The following IGF2BP1 variants were observed in gnomAD, a reference collection of about 807,000 sequenced individuals.
IGF2BP1 encodes insulin-like growth factor 2 mRNA-binding protein 1.
Under a neutral mutation model 74.9 loss-of-function variants are expected in IGF2BP1, and 11 were observed. The ratio of observed to expected loss-of-function variants is 0.15; its 90% CI spans 0.09 to 0.24. The LOEUF is 0.24. Among genes scored for constraint, IGF2BP1 ranks in the 10% least tolerant of loss-of-function variants. The probability of loss-of-function intolerance (pLI) is 1.00; values close to 1 mark genes in which losing one functional copy is unlikely to be tolerated. For synonymous variants in IGF2BP1, 287 were observed against 281.8 expected, an observed-to-expected ratio of 1.02 and a Z score of -0.18; for missense variants, 440 against 757.4, an observed-to-expected ratio of 0.58 and a Z score of 4.92.
At chr17:48,999,300 T>G in intron 2 of IGF2BP1, 131 bp downstream of exon 2, 4 of 632,114 alleles carry the variant, frequency 6.3e-6, no homozygotes, top group Non-Finnish European at 1.1e-5. Context: ...ACTCCGGATG[T>G]TGGGGGCAGG....
Position 49,039,966 on chromosome 17 carries a change from G to A in IGF2BP1, c.693G>A (p.Val231=). The A allele has an allele frequency of 1.9e-6, 3 of 1,612,640 alleles. No individual in the cohort carries two copies. In the Middle Eastern group the frequency reaches 6.2e-4, roughly 335 times the overall value. The change falls in exon 7 of 15, where the codon GTG becomes GTA. Residue 231 remains valine (V), a synonymous_variant. Transcript: ENST00000290341. ...TCCTTGTGGCCCCCAGGATAGACGT[G>A]CATAGGAAGGAGAACGCAGGTGCAG... ...ITKQTQSKID[V]HRKENAGAAE... is the part of the protein sequence containing the mutation.
rs1345187172 is a variant in IGF2BP1, at chr17:49,045,081, G to C, written c.1395+16G>C. On this transcript the variant is annotated intron_variant, in intron 12 of 14. Transcript: ENST00000290341. ...CCAATTCAAGGTTTTGGTCTTTATTGTTTTCCAAGCTGAACATGGAGGAAT... is the reference window on the plus strand; with the variant it reads ...CCAATTCAAGGTTTTGGTCTTTATTCTTTTCCAAGCTGAACATGGAGGAAT... The C allele has an allele frequency of 6.2e-7, 1 of 1,609,552 alleles. No homozygotes were observed. The highest frequency in any genetic ancestry group is 8.5e-7 in the Non-Finnish European group (1 of 1,175,964).
chr17:49,046,509 G>A (rs2042109145), intron 14 of IGF2BP1, 136 bp downstream of exon 14: 1 of 632,008 alleles, frequency 1.6e-6, no homozygotes. Context: ...CTCTAGGCTA[G>A]GTTATTGCCC....
intron 2 of IGF2BP1, among the ~76,000 whole-genome samples, chr17:49,018,545 G>A (rs570666371): frequency 6.6e-6 from 1 of 152,128 alleles, no homozygotes; most frequent in South Asian, 2.1e-4. Flanking sequence ...CTTTACTTTG[G>A]GGTTATGGAT....
intron 4 of IGF2BP1, 126 bp downstream of exon 4, chr17:49,026,643 T>TGCCTG: frequency 1.8e-6 from 1 of 553,500 alleles, no homozygotes; most frequent in Non-Finnish European, 3.1e-6. Flanking sequence ...CTGCCTTCCT[T>TGCCTG]CCTGCCTGCC....
intron 2 of IGF2BP1, among the ~76,000 whole-genome samples, chr17:49,011,162 A>C (rs973829114): frequency 6.9e-6 from 1 of 145,714 alleles, no homozygotes; most frequent in Non-Finnish European, 1.5e-5. Context: ...AAAAAAAAAA[A>C]AAAAACAAAC....
chr17:49,012,920 T>C (rs1468134756), intron 2 of IGF2BP1: 1 of 152,120 alleles, frequency 6.6e-6, no homozygotes, highest in East Asian at 1.9e-4. Context: ...TTCTAAAATA[T>C]CAGGAACCCA....
intron 2 of IGF2BP1, among the ~76,000 whole-genome samples, chr17:49,004,202 C>A (rs1451263171): frequency 6.6e-6 from 1 of 152,216 alleles, no homozygotes; most frequent in African/African-American, 2.4e-5. Context: ...TCTCAGATCC[C>A]TGAGACCCCA....
chr17:49,035,472 CT>C (rs2041975616), intron 5 of IGF2BP1, among the ~76,000 whole-genome samples: 2 of 152,232 alleles, frequency 1.3e-5, no homozygotes, highest in Admixed American at 6.5e-5. Context: ...ATTCAGTTAT[CT>C]TTGCCCTGGG....
At chr17:49,007,270 C>G (rs1304890083) in intron 2 of IGF2BP1, among the ~76,000 whole-genome samples, 1 of 152,184 alleles carries the variant, frequency 6.6e-6, no homozygotes, top group Non-Finnish European at 1.5e-5. Context: ...GGTGACTGCA[C>G]ACATTGTTCC....
chr17:49,037,338 G>T, intron 5 of IGF2BP1: 1 of 506,180 alleles, frequency 2.0e-6, no homozygotes, highest in Non-Finnish European at 3.7e-6. Context: ...AGCCTTTTAT[G>T]AAGAATGCAA....
At position 49,051,188 on chromosome 17, in the gene IGF2BP1, TATAA is replaced by T. The variant is rs1312496576; in HGVS notation, c.*1746_*1749del. The T allele has an allele frequency of 7.2e-5, 11 of 152,650 alleles. No individual in the cohort carries two copies. The highest frequency in any genetic ancestry group is 2.7e-4 in the African/African-American group (11 of 41,446). The allele number at this position is 152,650 out of a possible 1,614,324, so 9.5% of individuals were successfully genotyped here. ...TTTTTTGCAGCTTGCTGATATTTTA[TATAA>T]AAAAGAAAAGCAAAGCAAAAGAGAA... On this transcript the variant is annotated 3_prime_UTR_variant, in exon 15 of 15. Coordinates refer to ENST00000290341, the MANE Select transcript of IGF2BP1 (RefSeq NM_006546.4).
In IGF2BP1 at chr17:49,043,511, C is replaced by A; in HGVS notation, c.1161C>A (p.Pro387=). The A allele has an allele frequency of 1.9e-6, 3 of 1,614,110 alleles. No homozygotes were observed. The highest frequency in any genetic ancestry group is 2.5e-6 in the Non-Finnish European group (3 of 1,179,982). ...PASSSAVPPP[P]SSVTGAAPYS... The stretch of plus-strand genomic sequence containing the variant: ...CATCCAGCGCAGTCCCGCCGCCTCC[C>A]AGCAGCGTTACTGGGGCTGCTCCCT... Residue 387 remains proline (P), a synonymous_variant, in exon 10 of 15, where the codon CCC becomes CCA. Transcript: ENST00000290341.
intron 2 of IGF2BP1, among the ~76,000 whole-genome samples, chr17:49,011,696 A>G (rs1399749362): frequency 6.6e-6 from 1 of 152,050 alleles, no homozygotes; most frequent in African/African-American, 2.4e-5. Flanking sequence ...TCCAAAAAAA[A>G]AAAAACGTTG....
rs1276445938 is a variant in IGF2BP1 at position 49,055,680 on chromosome 17, TC to T, written c.*6238del. The T allele has an allele frequency of 1.5e-5, 6 of 398,430 alleles. No homozygotes were observed. The highest frequency in any genetic ancestry group is 2.7e-5 in the Non-Finnish European group (6 of 226,072). 24.7% of individuals were successfully genotyped at this position (398,430 alleles called of 1,614,324 possible). A position where few individuals can be genotyped will look rare whatever the true frequency, so the allele number is the denominator to read the frequency against. Reference sequence around the variant, plus strand: ...GTCTCCCTTTTCTCCAGGATCTTGATCCTGGTCCCCAAAACCAGAGTGAATC... The same window carrying T: ...GTCTCCCTTTTCTCCAGGATCTTGATCTGGTCCCCAAAACCAGAGTGAATC... On this transcript the variant is annotated 3_prime_UTR_variant, in exon 15 of 15. Transcript: ENST00000290341.
Position 49,041,969 on chromosome 17 carries a change from A to G in IGF2BP1, c.942-273A>G, listed in dbSNP as rs78724348. On this transcript the variant is annotated intron_variant, in intron 8 of 14. Coordinates refer to ENST00000290341, the MANE Select transcript of IGF2BP1 (RefSeq NM_006546.4). ...ATAGGACATGGATTATGTAGAATCA[A>G]TGGGGAAACTTGGAGGCACAACCAT... is the stretch of plus-strand genomic sequence containing the variant. 2.0e-3 allele frequency among the ~76,000 whole-genome samples: 304 copies of G among 152,358 alleles called. 3 individuals are homozygous for G. Among genetic ancestry groups the G allele is most frequent in the African/African-American group, 4.9e-3 (205 of 41,586 alleles).
intron 2 of IGF2BP1, among the ~76,000 whole-genome samples, chr17:49,021,017 C>T (rs2041785330): frequency 6.6e-6 from 1 of 151,158 alleles, no homozygotes; most frequent in Non-Finnish European, 1.5e-5. Flanking sequence ...GGCGCATGTG[C>T]CTGTGGCCCC....
intron 2 of IGF2BP1, among the ~76,000 whole-genome samples, chr17:49,009,964 T>G (rs568246839): frequency 6.7e-6 from 1 of 149,364 alleles, no homozygotes; most frequent in Non-Finnish European, 1.5e-5. Flanking sequence ...CCTGTAATCC[T>G]AGCTACTCGG....
chr17:49,022,044 G>A (rs2041799762), intron 2 of IGF2BP1, among the ~76,000 whole-genome samples: 1 of 152,220 alleles, frequency 6.6e-6, no homozygotes, highest in Non-Finnish European at 1.5e-5. Flanking sequence ...TGGGACTGGG[G>A]ACTTGGACAT....
Sources: allele counts gnomAD v4.1 joint callset (sites outside exome capture counted in the v4.1 genomes callset), GRCh38; gene constraint gnomAD v4.1.1; transcripts MANE v1.5; gene names NCBI Gene and HGNC (gene_info 2026-07-23, HGNC 2026-07-21).